Variants in WAPL observed in about 807,000 individuals in gnomAD.
The protein encoded by WAPL is wings apart-like protein homolog.
A neutral mutation model predicts 121.0 loss-of-function variants in WAPL; 5 were observed. The ratio of observed to expected loss-of-function variants is 0.04; its 90% CI spans 0.02 to 0.09. WAPL has a LOEUF of 0.09. WAPL is among the 10% of genes least tolerant of loss of function. The pLI is 1.00. For missense variants in WAPL, 999 were observed against 1,410.8 expected (o/e 0.71, Z 4.68); for synonymous variants, 480 against 481.5 (o/e 1.00, Z 0.04).
intron 4 of WAPL, among the ~76,000 whole-genome samples, chr10:86,490,331 C>T (rs1178718620): frequency 6.6e-6 from 1 of 152,138 alleles, no homozygotes; most frequent in Non-Finnish European, 1.5e-5. Flanking sequence ...TTTTCTGACA[C>T]TATCACTTTG....
Position 86,455,695 on chromosome 10 carries a change from AAG to A in WAPL, c.2658-1866_2658-1865del, listed in dbSNP as rs1841126716. On this transcript the variant is annotated intron_variant, in intron 12 of 18. Coordinates refer to ENST00000298767, the MANE Select transcript of WAPL (RefSeq NM_015045.5). ...GATCAATAAATACTAAAAAAAAAAA[AAG>A]AAAGAAAGAAAAAAAAAGAAAAAAA... 4.6e-5 allele frequency among the ~76,000 whole-genome samples: 6 copies of A among 129,464 alleles called. 2 individuals are homozygous for A. The highest frequency in any genetic ancestry group is 1.1e-4 in the Non-Finnish European group (6 of 56,468). The allele number at this position is 129,464 out of a possible 152,430, so 84.9% of individuals were successfully genotyped here. A position where few individuals can be genotyped will look rare whatever the true frequency, so the allele number is the denominator to read the frequency against.
chr10:86,488,468 T>C (rs1248359817), intron 4 of WAPL: 2 of 152,320 alleles, frequency 1.3e-5, no homozygotes, highest in African/African-American at 2.4e-5. Flanking sequence ...GCAGCACATA[T>C]ACAAAAACTG....
At position 86,437,013 on chromosome 10, in the gene WAPL, AC is replaced by A. The variant is rs1849340393; in HGVS notation, c.*529del. ...TCAGGGAACAACAACCAAAAAATTC[AC>A]AAAATTATTAAAAGCTTTATTTACG... On this transcript the variant is annotated 3_prime_UTR_variant, in exon 19 of 19. Transcript: ENST00000298767. The A allele has an allele frequency of 2.0e-5, 3 of 152,754 alleles. No homozygotes were observed. The highest frequency in any genetic ancestry group is 2.0e-4 in the Admixed American group (3 of 15,288). The allele number at this position is 152,754 out of a possible 1,614,324, so 9.5% of individuals were successfully genotyped here.
At chr10:86,512,132 C>T (rs1428533848) in intron 2 of WAPL, among the ~76,000 whole-genome samples, 1 of 152,194 alleles carries the variant, frequency 6.6e-6, no homozygotes, top group Non-Finnish European at 1.5e-5. Flanking sequence ...ACAATCTCAT[C>T]TCAGATCACA....
In WAPL at chr10:86,435,627, C is replaced by T. The variant is rs1002970141; in HGVS notation, c.*1916G>A. On this transcript the variant is annotated 3_prime_UTR_variant, in exon 19 of 19. Transcript: ENST00000298767. ...CCCCCACCAAAATCTGCATCTCTATCAGTGCTCGACAATTAGTTATTATTT... is the reference window on the plus strand; with the variant it reads ...CCCCCACCAAAATCTGCATCTCTATTAGTGCTCGACAATTAGTTATTATTT... 2 of 152,388 alleles carry T rather than the reference C, an allele frequency of 1.3e-5. No individual in the cohort carries two copies. Among genetic ancestry groups the T allele is most frequent in the African/African-American group, 4.8e-5 (2 of 41,378 alleles). The allele number at this position is 152,388 out of a possible 1,614,324, so 9.4% of individuals were successfully genotyped here.
chr10:86,440,892 A>AAG (rs1849453728), intron 17 of WAPL, among the ~76,000 whole-genome samples: 1 of 151,492 alleles, frequency 6.6e-6, no homozygotes, highest in Admixed American at 6.6e-5. Flanking sequence ...GAAAAAAAAA[A>AAG]AAAAAGGCAA....
chr10:86,497,651 A>C (rs561890977), intron 3 of WAPL, among the ~76,000 whole-genome samples: 1 of 152,208 alleles, frequency 6.6e-6, no homozygotes, highest in Non-Finnish European at 1.5e-5. Context: ...ATCCATGGAT[A>C]CTGACACTGG....
intron 2 of WAPL, among the ~76,000 whole-genome samples, chr10:86,506,538 G>C (rs374567776): frequency 1.3e-5 from 2 of 152,306 alleles, no homozygotes; most frequent in East Asian, 3.9e-4. Context: ...ACTTGGGGTG[G>C]GAGGGGCGGC....
chr10:86,444,107 A>C (rs1450746004), intron 16 of WAPL: 3 of 152,258 alleles, frequency 2.0e-5, no homozygotes, highest in Non-Finnish European at 4.4e-5. Flanking sequence ...CAATGAGTTC[A>C]TGAAAAGATG....
At chr10:86,455,084 C>T (rs1278358234) in intron 12 of WAPL, among the ~76,000 whole-genome samples, 3 of 149,922 alleles carry the variant, frequency 2.0e-5, no homozygotes, top group Admixed American at 6.6e-5. Flanking sequence ...AGCCCCCGCC[C>T]GGCAGCCGCC....
chr10:86,438,132 A>ACC (rs895790099), intron 17 of WAPL, 117 bp from the exon 18 acceptor site: 3 of 646,676 alleles, frequency 4.6e-6, no homozygotes, highest in African/African-American at 3.6e-5. Flanking sequence ...TCCTTGGAAC[A>ACC]CGTGGTTATT....
Position 86,437,602 on chromosome 10 carries a change from C to T in WAPL, c.3514G>A (p.Val1172Ile). ...FLSFMNLTCA[V>I]GTTGQKSISR... ...ATAGATTTCTGGCCAGTTGTTCCAACAGCACACTGAAAGCAGGGTGAAGGG... is the reference window on the plus strand; with the variant it reads ...ATAGATTTCTGGCCAGTTGTTCCAATAGCACACTGAAAGCAGGGTGAAGGG... The change falls in exon 19 of 19, where the codon GTT becomes ATT. Residue 1172 changes from valine to isoleucine, a missense_variant. Val to Ile is a conservative substitution (Grantham distance 29). This residue lies in a region of WAPL where 35 missense variants were observed against 80.3 expected (regional missense o/e 0.44). Transcript: ENST00000298767. 6.2e-7 allele frequency: 1 copy of T among 1,613,818 alleles called. No individual in the cohort carries two copies. The highest frequency in any genetic ancestry group is 8.5e-7 in the Non-Finnish European group (1 of 1,179,924).
At chr10:86,442,982 G>C (rs1849508209) in intron 17 of WAPL, among the ~76,000 whole-genome samples, 1 of 148,270 alleles carries the variant, frequency 6.7e-6, no homozygotes, top group African/African-American at 2.5e-5. Context: ...GGTGGAGCTT[G>C]CAGTGAGCCG....
chr10:86,504,364 ATTAAT>A (rs1842302693), intron 2 of WAPL, among the ~76,000 whole-genome samples: 1 of 1,366 alleles, frequency 7.3e-4, no homozygotes, highest in Non-Finnish European at 1.4e-3. Flanking sequence ...AATACTTTCT[ATTAAT>A]TTATTTTATC....
At chr10:86,477,852 G>A (rs1366382603) in intron 4 of WAPL, among the ~76,000 whole-genome samples, 2 of 151,856 alleles carry the variant, frequency 1.3e-5, no homozygotes, top group Admixed American at 1.3e-4. Flanking sequence ...GGTCAAGGTG[G>A]GCGGATCACT....
chr10:86,449,198 G>A (rs948142241), intron 15 of WAPL, among the ~76,000 whole-genome samples: 2 of 152,144 alleles, frequency 1.3e-5, no homozygotes, highest in African/African-American at 4.8e-5. Context: ...GAAAAGATAC[G>A]TAATTTGAAA....
At chr10:86,488,547 A>AAG (rs1211683156) in intron 4 of WAPL, 13 of 152,398 alleles carry the variant, frequency 8.5e-5, no homozygotes, top group African/African-American at 2.6e-4. Context: ...GTTAAAATTA[A>AAG]AGAAAATAGA....
At chr10:86,494,007 A>C (rs183509006) in intron 4 of WAPL, among the ~76,000 whole-genome samples, 1 of 152,282 alleles carries the variant, frequency 6.6e-6, no homozygotes, top group Admixed American at 6.5e-5. Flanking sequence ...TGCCTCAAAA[A>C]ATATTTTATA....
At position 86,517,291 on chromosome 10, in the gene WAPL, A is replaced by G. The variant is rs183617682; in HGVS notation, c.499+280T>C. 1.1e-3 allele frequency among the ~76,000 whole-genome samples: 173 copies of G among 152,342 alleles called. 1 individual carries two copies. The highest frequency in any genetic ancestry group is 3.9e-3 in the African/African-American group (164 of 41,578). On this transcript the variant is annotated intron_variant, in intron 2 of 18. Coordinates refer to ENST00000298767, the MANE Select transcript of WAPL (RefSeq NM_015045.5). ...AGATACTTTGTGATCCTAACACAACAAAAAGAGATATTTCTTATTGGAATT... is the reference window on the plus strand; with the variant it reads ...AGATACTTTGTGATCCTAACACAACGAAAAGAGATATTTCTTATTGGAATT...
Sources: allele counts gnomAD v4.1 joint callset (sites outside exome capture counted in the v4.1 genomes callset), GRCh38; gene constraint gnomAD v4.1.1; regional missense constraint gnomAD v4.1.1; transcripts MANE v1.5; gene names NCBI Gene and HGNC (gene_info 2026-07-23, HGNC 2026-07-21).